The following ZFAND3 variants were observed in gnomAD, a reference collection of about 807,000 sequenced individuals.
The protein encoded by ZFAND3 is AN1-type zinc finger protein 3.
In ZFAND3, 10 loss-of-function variants were observed where a neutral mutation model predicts 29.6. The ratio of observed to expected loss-of-function variants is 0.34; its 90% CI spans 0.21 to 0.57. The LOEUF (loss-of-function observed/expected upper bound fraction) is 0.57, where lower values mean the gene tolerates loss of function less well. Among genes scored for constraint, ZFAND3 ranks in the 20% least tolerant of loss-of-function variants. The pLI, the probability that ZFAND3 is intolerant of heterozygous loss-of-function variation, is 0.86. For synonymous variants in ZFAND3, 128 were observed against 112.6 expected (o/e 1.14, Z -0.87); for missense variants, 230 against 304.5 (o/e 0.76, Z 1.82).
chr6:37,869,493 T>A (rs1008778433), intron 1 of ZFAND3, among the ~76,000 whole-genome samples: 2 of 151,980 alleles, frequency 1.3e-5, no homozygotes, highest in Non-Finnish European at 2.9e-5. Context: ...TTGGTTAATC[T>A]GTATTTATCA....
rs1348160090 is a variant in ZFAND3, at chr6:38,136,688, CTG to C, written c.530-15544_530-15543del. 2.0e-5 allele frequency among the ~76,000 whole-genome samples: 3 copies of C among 152,338 alleles called. No homozygotes were observed. In the East Asian group the frequency reaches 5.8e-4, roughly 29 times the overall value. On this transcript the variant is annotated intron_variant, in intron 5 of 5. Coordinates refer to ENST00000287218, the MANE Select transcript of ZFAND3 (RefSeq NM_021943.3). ...AGGAGACAGGCTGGCAGCCACCTGT[CTG>C]TGCCTTGAGGACTGTAAGGGTCATC... is the stretch of plus-strand genomic sequence containing the variant.
At chr6:37,826,105 AG>A (rs1331519124) in intron 1 of ZFAND3, among the ~76,000 whole-genome samples, 1 of 152,008 alleles carries the variant, frequency 6.6e-6, no homozygotes, top group African/African-American at 2.4e-5. Flanking sequence ...CAAAAAAAAA[AG>A]AAATTCTTTT....
chr6:37,847,624 A>C (rs1764206174), intron 1 of ZFAND3, among the ~76,000 whole-genome samples: 1 of 152,112 alleles, frequency 6.6e-6, no homozygotes, highest in African/African-American at 2.4e-5. Flanking sequence ...ATGGGTGATT[A>C]TTTTCTCTAT....
At chr6:37,893,332 TATATC>T (rs925159197) in intron 1 of ZFAND3, among the ~76,000 whole-genome samples, 3 of 152,120 alleles carry the variant, frequency 2.0e-5, no homozygotes, top group African/African-American at 7.2e-5. Context: ...AAAAACAAAT[TATATC>T]ATCATCTCAA....
intron 1 of ZFAND3, among the ~76,000 whole-genome samples, chr6:37,876,313 A>T (rs1024552907): frequency 3.3e-5 from 5 of 152,224 alleles, no homozygotes; most frequent in Admixed American, 6.5e-5. Flanking sequence ...TTCAGTAGAT[A>T]CAACTTAATT....
At chr6:38,110,888 CG>C (rs1765302549) in intron 4 of ZFAND3, among the ~76,000 whole-genome samples, 1 of 152,080 alleles carries the variant, frequency 6.6e-6, no homozygotes, top group African/African-American at 2.4e-5. Context: ...GGTTAGTGCA[CG>C]GGGTGTGTGC....
At chr6:37,949,846 A>G (rs1222742327) in intron 2 of ZFAND3, among the ~76,000 whole-genome samples, 2 of 152,130 alleles carry the variant, frequency 1.3e-5, no homozygotes, top group Non-Finnish European at 2.9e-5. Context: ...CTCTTGCCCT[A>G]TACATGTTCA....
intron 1 of ZFAND3, among the ~76,000 whole-genome samples, chr6:37,856,037 A>G (rs968254537): frequency 7.8e-6 from 1 of 128,362 alleles, no homozygotes; most frequent in African/African-American, 2.9e-5. Flanking sequence ...TTCTTTTTTT[A>G]TTTTTGAGAC....
At chr6:37,896,787 C>T (rs891926926) in intron 1 of ZFAND3, among the ~76,000 whole-genome samples, 14 of 151,490 alleles carry the variant, frequency 9.2e-5, no homozygotes, top group African/African-American at 3.2e-4. Context: ...CCTTCTCTTG[C>T]CCTGCTGTGT....
intron 2 of ZFAND3, among the ~76,000 whole-genome samples, chr6:37,933,948 C>G (rs576328242): frequency 7.3e-6 from 1 of 136,496 alleles, no homozygotes. Flanking sequence ...AGTGCAGTGG[C>G]GCGATCTCTG....
chr6:38,096,601 CGCTGGAACTCTTTT>C (rs1262391049), intron 4 of ZFAND3, among the ~76,000 whole-genome samples: 1 of 152,170 alleles, frequency 6.6e-6, no homozygotes, highest in African/African-American at 2.4e-5. Flanking sequence ...CCTTCTTCAG[CGCTGGAACTCTTTT>C]ATTTTCCCCT....
intron 1 of ZFAND3, among the ~76,000 whole-genome samples, chr6:37,876,452 A>G (rs1361435620): frequency 6.6e-6 from 1 of 152,228 alleles, no homozygotes; most frequent in African/African-American, 2.4e-5. Context: ...AAAGGCTTTA[A>G]AGTAAAGGTA....
At chr6:38,062,760 T>A (rs1764267132) in intron 3 of ZFAND3, 1 of 152,160 alleles carries the variant, frequency 6.6e-6, no homozygotes, top group Non-Finnish European at 1.5e-5. Context: ...ATACATCTCT[T>A]TTAGGGCACA....
Position 38,116,658 on chromosome 6 carries a change from A to G in ZFAND3, c.448A>G (p.Lys150Glu). The change falls in exon 5 of 6, where the codon AAA becomes GAA. Residue 150 changes from lysine (K) to glutamate (E), a missense_variant. By Grantham distance (56) the Lys-to-Glu change is moderately conservative. Around this residue, in one of 2 missense-constraint regions of ZFAND3, gnomAD observed 180 missense variants for 202.5 expected, o/e 0.89. Coordinates refer to ENST00000287218, the MANE Select transcript of ZFAND3 (RefSeq NM_021943.3). Reference sequence around the variant, plus strand: ...ACGGTCCGAGGAAACCAGTCGATCTAAACAGAAGAGTCGACGTCGGTGCTT... The same window carrying G: ...ACGGTCCGAGGAAACCAGTCGATCTGAACAGAAGAGTCGACGTCGGTGCTT... Reference protein sequence around the residue: ...TERSEETSRSKQKSRRRCFQC... With the variant: ...TERSEETSRSEQKSRRRCFQC... The G allele has an allele frequency of 6.2e-7, 1 of 1,614,186 alleles. No individual in the cohort carries two copies. The highest frequency in any genetic ancestry group is 8.5e-7 in the Non-Finnish European group (1 of 1,180,012).
rs987914908 is a variant in ZFAND3, at chr6:38,001,996, T to C, written c.113-59597T>C. On this transcript the variant is annotated intron_variant, in intron 2 of 5. Transcript: ENST00000287218. Reference sequence around the variant, plus strand: ...CAAATTTATTGTATTACTAGAGAAGTACATTTTTACCAGTGAAAATACAGT... The same window carrying C: ...CAAATTTATTGTATTACTAGAGAAGCACATTTTTACCAGTGAAAATACAGT... Among the ~76,000 whole-genome samples, 11 of 152,278 alleles carry C rather than the reference T, an allele frequency of 7.2e-5. 1 individual carries two copies. The highest frequency in any genetic ancestry group is 3.3e-4 in the Admixed American group (5 of 15,296).
At chr6:38,050,591 G>A (rs1027910425) in intron 2 of ZFAND3, among the ~76,000 whole-genome samples, 2 of 152,114 alleles carry the variant, frequency 1.3e-5, no homozygotes, top group Non-Finnish European at 2.9e-5. Flanking sequence ...ACCTTGTGTA[G>A]AAGGACATGT....
intron 1 of ZFAND3, among the ~76,000 whole-genome samples, chr6:37,833,805 C>T (rs1056209568): frequency 8.1e-5 from 11 of 135,136 alleles, no homozygotes; most frequent in Non-Finnish European, 1.5e-4. Context: ...CCAGCCTGGG[C>T]GACAGAGTGA....
chr6:37,871,083 C>G (rs1303214270), intron 1 of ZFAND3, among the ~76,000 whole-genome samples: 1 of 152,162 alleles, frequency 6.6e-6, no homozygotes, highest in Admixed American at 6.5e-5. Flanking sequence ...CCCATTCTCT[C>G]TTAGTTCTGA....
intron 4 of ZFAND3, among the ~76,000 whole-genome samples, chr6:38,115,423 C>T (rs143201457): frequency 1.3e-5 from 2 of 152,240 alleles, no homozygotes; most frequent in Non-Finnish European, 2.9e-5. Context: ...GGGTTTTGAG[C>T]AGGGAAGTAA....
Sources: gnomAD v4.1 joint callset for allele counts (sites outside exome capture counted in the v4.1 genomes callset) on GRCh38, gnomAD v4.1.1 for gene constraint, gnomAD v4.1.1 regional missense constraint, MANE v1.5 for transcripts, NCBI Gene and HGNC (gene_info 2026-07-23, HGNC 2026-07-21) for gene names.